ACVR2A: variants seen among roughly 807,000 people sequenced by gnomAD.
The protein encoded by ACVR2A is activin receptor type-2A.
ACVR2A carries 7 observed loss-of-function variants against 61.4 expected under a neutral mutation model. The observed-to-expected ratio is 0.11, with a 90% CI of 0.06 to 0.21. ACVR2A has a LOEUF of 0.21. Among genes scored for constraint, ACVR2A ranks in the 10% least tolerant of loss-of-function variants. ACVR2A has a pLI of 1.00. For missense variants in ACVR2A, 322 were observed against 621.7 expected, an observed-to-expected ratio of 0.52 and a Z score of 5.13; for synonymous variants, 193 against 208.3, an observed-to-expected ratio of 0.93 and a Z score of 0.63.
chr2:147,885,086 C>T (rs979164512), intron 1 of ACVR2A, among the ~76,000 whole-genome samples: 5 of 152,046 alleles, frequency 3.3e-5, no homozygotes, highest in African/African-American at 9.7e-5. Context: ...CTGCAAAGCC[C>T]TCTTTTTTCT....
At chr2:147,907,520 A>G (rs1687015647) in intron 4 of ACVR2A, among the ~76,000 whole-genome samples, 1 of 152,134 alleles carries the variant, frequency 6.6e-6, no homozygotes, top group Admixed American at 6.6e-5. Context: ...TTGACTTTTT[A>G]ATAATCAGCC....
chr2:147,912,174 G>A (rs1285629726), intron 4 of ACVR2A, among the ~76,000 whole-genome samples: 1 of 151,870 alleles, frequency 6.6e-6, no homozygotes, highest in East Asian at 1.9e-4. Flanking sequence ...TTCCACTGTT[G>A]GTTATAGTAA....
chr2:147,916,867 G>C (rs955871005), intron 5 of ACVR2A, among the ~76,000 whole-genome samples: 7 of 150,856 alleles, frequency 4.6e-5, no homozygotes, highest in Admixed American at 4.6e-4. Flanking sequence ...TTTTTGAAAA[G>C]AAGAAGTTTT....
Position 147,927,215 on chromosome 2 carries a change from G to T in ACVR2A, c.1483G>T (p.Val495Leu), listed in dbSNP as rs765408586. 5.6e-6 allele frequency: 9 copies of T among 1,612,000 alleles called. No individual in the cohort carries two copies. The highest frequency in any genetic ancestry group is 4.2e-6 in the Non-Finnish European group (5 of 1,178,742). ...AAATATTATTACCACAGAGGACATT[G>T]TAACAGTGGTCACAATGGTGACAAA... The part of the protein sequence containing the change: ...LTNIITTEDI[V>L]TVVTMVTNVD... Residue 495 changes from valine to leucine, a missense_variant, in exon 11 of 11, where the codon GTA (valine) becomes TTA (leucine). Coordinates refer to ENST00000241416, the MANE Select transcript of ACVR2A (RefSeq NM_001616.5).
At chr2:147,862,178 A>C (rs1182987146) in intron 1 of ACVR2A, among the ~76,000 whole-genome samples, 1 of 152,084 alleles carries the variant, frequency 6.6e-6, no homozygotes, top group Admixed American at 6.5e-5. Context: ...CTTTGCAGAT[A>C]ATCTTTGTAC....
At position 147,927,948 on chromosome 2, in the gene ACVR2A, T is replaced by A. The variant is rs1214993901; in HGVS notation, c.*674T>A. ...AAATCGATCCATGTTTTGTAACAAA[T>A]TCACTGTGTTATTTAAGGAAAAAAA... On this transcript the variant is annotated 3_prime_UTR_variant, in exon 11 of 11. Transcript: ENST00000241416. 6.6e-6 allele frequency: 1 copy of A among 152,340 alleles called. No homozygotes were observed. The highest frequency in any genetic ancestry group is 1.5e-5 in the Non-Finnish European group (1 of 67,914). 9.4% of individuals were successfully genotyped at this position (152,340 alleles called of 1,614,324 possible).
intron 1 of ACVR2A, among the ~76,000 whole-genome samples, chr2:147,850,717 G>A (rs1685424086): frequency 6.6e-6 from 1 of 152,152 alleles, no homozygotes; most frequent in African/African-American, 2.4e-5. Context: ...AGGAGGAGGA[G>A]GAGGAGAAAT....
intron 1 of ACVR2A, among the ~76,000 whole-genome samples, chr2:147,867,475 C>G (rs568902304): frequency 5.5e-4 from 84 of 152,150 alleles, no homozygotes; most frequent in African/African-American, 1.9e-3. Flanking sequence ...TTTGACTTTC[C>G]ATGTGTTTCT....
At chr2:147,864,610 T>C (rs1158607239) in intron 1 of ACVR2A, among the ~76,000 whole-genome samples, 3 of 152,126 alleles carry the variant, frequency 2.0e-5, no homozygotes, top group East Asian at 3.9e-4. Flanking sequence ...AAATTTCTTA[T>C]CTGTGTTTTT....
chr2:147,868,936 A>AT (rs1304432004), intron 1 of ACVR2A, among the ~76,000 whole-genome samples: 5 of 151,358 alleles, frequency 3.3e-5, no homozygotes, highest in African/African-American at 9.7e-5. Context: ...CCCAGCCTTT[A>AT]TTTTTTTTCA....
intron 2 of ACVR2A, 39 bp downstream of exon 2, chr2:147,896,547 AT>A (rs1558806581): frequency 6.4e-7 from 1 of 1,571,772 alleles, no homozygotes; most frequent in Admixed American, 1.7e-5. Context: ...GTATTGAGTA[AT>A]TTTCACACTT....
intron 4 of ACVR2A, among the ~76,000 whole-genome samples, chr2:147,909,608 T>C (rs1687068359): frequency 6.6e-6 from 1 of 152,118 alleles, no homozygotes; most frequent in South Asian, 2.1e-4. Context: ...TGCTTTTTGC[T>C]TAGTTGTATA....
Position 147,915,176 on chromosome 2 carries a change from A to T in ACVR2A, c.529-15A>T. 10 of 1,608,942 alleles carry T rather than the reference A, an allele frequency of 6.2e-6. No individual in the cohort carries two copies. The highest frequency in any genetic ancestry group is 8.5e-6 in the Non-Finnish European group (10 of 1,176,304). ...TGTTCTGCTTATTTATAGTATTATT[A>T]TTATTTATCTGTAGGACCCAGGACC... On this transcript the variant is annotated splice_polypyrimidine_tract_variant and intron_variant, in intron 4 of 10. Transcript: ENST00000241416.
chr2:147,925,143 G>A (rs1312854677), intron 9 of ACVR2A, among the ~76,000 whole-genome samples: 3 of 151,980 alleles, frequency 2.0e-5, no homozygotes, highest in Non-Finnish European at 2.9e-5. Flanking sequence ...AGGCAATCCA[G>A]TGATTAAAAC....
intron 1 of ACVR2A, among the ~76,000 whole-genome samples, chr2:147,849,595 TA>T (rs1685399345): frequency 6.6e-6 from 1 of 152,222 alleles, no homozygotes; most frequent in African/African-American, 2.4e-5. Context: ...ATCTTGACCA[TA>T]ATTAATAAAA....
At chr2:147,884,711 G>T (rs1007146490) in intron 1 of ACVR2A, among the ~76,000 whole-genome samples, 1 of 152,106 alleles carries the variant, frequency 6.6e-6, no homozygotes, top group East Asian at 1.9e-4. Context: ...GAAGGCAAAA[G>T]CTTCATCTCT....
intron 10 of ACVR2A, among the ~76,000 whole-genome samples, chr2:147,926,387 T>C (rs758072813): frequency 3.9e-5 from 6 of 151,918 alleles, no homozygotes; most frequent in African/African-American, 1.4e-4. Context: ...AATGGTCCTG[T>C]GCAGAAGATT....
intron 4 of ACVR2A, among the ~76,000 whole-genome samples, chr2:147,905,446 A>G (rs1193744534): frequency 6.6e-6 from 1 of 151,904 alleles, no homozygotes; most frequent in African/African-American, 2.4e-5. Flanking sequence ...TAGAGTTTGT[A>G]TTAGGTTTCT....
intron 4 of ACVR2A, among the ~76,000 whole-genome samples, chr2:147,912,582 AT>A (rs1687144781): frequency 6.6e-6 from 1 of 151,928 alleles, no homozygotes; most frequent in African/African-American, 2.4e-5. Context: ...AGAATCAAGT[AT>A]TGATTTTTTT....
Sources: gnomAD v4.1 joint callset for allele counts (sites outside exome capture counted in the v4.1 genomes callset) on GRCh38, gnomAD v4.1.1 for gene constraint, MANE v1.5 for transcripts, NCBI Gene and HGNC (gene_info 2026-07-23, HGNC 2026-07-21) for gene names.